DSG1: variants seen among roughly 807,000 people sequenced by gnomAD.
DSG1 encodes desmoglein 1, also known as desmoglein-1.
A neutral mutation model predicts 97.5 loss-of-function variants in DSG1; 39 were observed. The observed-to-expected ratio is 0.40, with a 90% CI of 0.31 to 0.52. The LOEUF (loss-of-function observed/expected upper bound fraction) is 0.52. Ranked by LOEUF, DSG1 falls within the 20% of genes least tolerant of loss-of-function variation. The probability of loss-of-function intolerance (pLI) is 0.53; values close to 1 mark genes in which losing one functional copy is unlikely to be tolerated. For missense variants in DSG1, 1,311 were observed against 1,295.4 expected (o/e 1.01, Z -0.18); for synonymous variants, 475 against 443.4 (o/e 1.07, Z -0.90).
intron 14 of DSG1, chr18:31,347,632 C>A (rs2071851529): frequency 1.3e-5 from 2 of 152,170 alleles, no homozygotes; most frequent in African/African-American, 4.8e-5. Flanking sequence ...CTATTACGAA[C>A]AACAAAGATG....
At chr18:31,318,720 T>TG (rs928478381) in intron 1 of DSG1, among the ~76,000 whole-genome samples, 10 of 119,858 alleles carry the variant, frequency 8.3e-5, no homozygotes, top group African/African-American at 2.9e-4. Flanking sequence ...ATTTTTAACC[T>TG]GTTTTTTTTT....
At chr18:31,333,506 C>CCAACTTTT in intron 6 of DSG1, 83 bp from the exon 7 acceptor site, 1 of 1,577,670 alleles carries the variant, frequency 6.3e-7, no homozygotes, top group Non-Finnish European at 8.7e-7. Flanking sequence ...AAACGTTGAG[C>CCAACTTTT]CAACTTTTCA....
intron 11 of DSG1, among the ~76,000 whole-genome samples, chr18:31,341,510 C>T (rs975025836): frequency 6.6e-6 from 1 of 152,158 alleles, no homozygotes. Flanking sequence ...GATAACACAG[C>T]TTAGAGCTGG....
chr18:31,320,767 C>G (rs1378455769), intron 1 of DSG1, among the ~76,000 whole-genome samples: 1 of 152,114 alleles, frequency 6.6e-6, no homozygotes, highest in East Asian at 1.9e-4. Flanking sequence ...AACAATGCTT[C>G]TTATGCACCA....
At chr18:31,320,915 A>G (rs904169057) in intron 1 of DSG1, among the ~76,000 whole-genome samples, 2 of 152,172 alleles carry the variant, frequency 1.3e-5, no homozygotes, top group Non-Finnish European at 2.9e-5. Context: ...TGCCAGGTCC[A>G]ATTAGTCCAT....
chr18:31,338,285 T>G, intron 9 of DSG1, 30 bp from the exon 10 acceptor site: 2 of 1,609,676 alleles, frequency 1.2e-6, no homozygotes, highest in Non-Finnish European at 1.7e-6. Context: ...ATAGCTGACA[T>G]TAATTTGTAT....
chr18:31,327,091 T>C (rs2144088026), intron 3 of DSG1, 86 bp downstream of exon 3: 2 of 1,509,652 alleles, frequency 1.3e-6, no homozygotes, highest in East Asian at 2.3e-5. Context: ...TTCATGAACA[T>C]GTCTCACCGA....
In DSG1 at chr18:31,354,957, G is replaced by T. The variant is rs778574407; in HGVS notation, c.2761G>T (p.Val921Leu). ...TCATCCTAGAGAGTCTTCAAATGTGGTAGTGACAGAAAGAGTAATCCAACC... is the reference window on the plus strand; with the variant it reads ...TCATCCTAGAGAGTCTTCAAATGTGTTAGTGACAGAAAGAGTAATCCAACC... ...IHHPRESSNV[V>L]VTERVIQPTS... Residue 921 changes from valine (V) to leucine (L), a missense_variant, in exon 15 of 15, where the codon GTA (valine) becomes TTA (leucine). Physicochemically the swap from Val to Leu is conservative, Grantham distance 32. Coordinates refer to ENST00000257192, the MANE Select transcript of DSG1 (RefSeq NM_001942.4). The T allele has an allele frequency of 6.2e-6, 10 of 1,614,074 alleles. No individual in the cohort carries two copies. The African/African-American group carries it at 6.7e-5, about 11-fold the overall frequency.
chr18:31,328,015 A>G (rs2071696921), intron 3 of DSG1, among the ~76,000 whole-genome samples, 174 bp from the exon 4 acceptor site: 1 of 152,192 alleles, frequency 6.6e-6, no homozygotes, highest in South Asian at 2.1e-4. Flanking sequence ...GTCAGTTACC[A>G]TTGAAAATAT....
At chr18:31,323,976 CTTT>C (rs1203163479) in intron 1 of DSG1, among the ~76,000 whole-genome samples, 19 of 94,984 alleles carry the variant, frequency 2.0e-4, no homozygotes, top group African/African-American at 5.2e-4. Flanking sequence ...TCTCTCCTTC[CTTT>C]TTTTTTTTTT....
Position 31,329,984 on chromosome 18 carries a change from A to G in DSG1, c.465A>G (p.Pro155=). 6.2e-7 allele frequency: 1 copy of G among 1,613,356 alleles called. No homozygotes were observed. The highest frequency in any genetic ancestry group is 1.1e-5 in the South Asian group (1 of 91,076). Residue 155 remains proline, a synonymous_variant, in exon 5 of 15, where the codon CCA becomes CCG. Coordinates refer to ENST00000257192, the MANE Select transcript of DSG1 (RefSeq NM_001942.4). ...TTTTGGATATAAATGACAACCCTCC[A>G]GTGTTTTCAATGGCTACATTTGCAG... ...VRVLDINDNP[P]VFSMATFAGQ...
Position 31,356,090 on chromosome 18 carries a change from C to T in DSG1, c.*744C>T, listed in dbSNP as rs532642456. On this transcript the variant is annotated 3_prime_UTR_variant, in exon 15 of 15. Coordinates refer to ENST00000257192, the MANE Select transcript of DSG1 (RefSeq NM_001942.4). ...GTGTGTGTTTAGTGATAGATGTAGT[C>T]TTGACGAATATTGCTTACTGGTGAG... 7.9e-5 allele frequency: 12 copies of T among 152,278 alleles called. No individual in the cohort carries two copies. In the South Asian group the frequency reaches 2.3e-3, roughly 29 times the overall value. The allele number at this position is 152,278 out of a possible 1,614,324, so 9.4% of individuals were successfully genotyped here.
chr18:31,325,074 A>G (rs1428160261), intron 1 of DSG1, among the ~76,000 whole-genome samples: 1 of 152,188 alleles, frequency 6.6e-6, no homozygotes, highest in Non-Finnish European at 1.5e-5. Flanking sequence ...TTGAAAGTCC[A>G]AGAGTGACTT....
intron 4 of DSG1, 137 bp downstream of exon 4, chr18:31,328,481 C>T: frequency 1.2e-6 from 1 of 828,880 alleles, no homozygotes; most frequent in Non-Finnish European, 1.9e-6. Flanking sequence ...CACGAGCATC[C>T]CACGACTGAA....
rs899306903 is a variant in DSG1 at position 31,357,280 on chromosome 18, T to C, written c.*1934T>C. On this transcript the variant is annotated 3_prime_UTR_variant, in exon 15 of 15. Transcript: ENST00000257192. ...GTCTGTAGTATGCTAAATGCAGAAG[T>C]ATAAATAAAGTCATTCAAAGGGAGT... Among the ~76,000 whole-genome samples the C allele has an allele frequency of 6.6e-6, 1 of 152,054 alleles. No homozygotes were observed. The highest frequency in any genetic ancestry group is 2.4e-5 in the African/African-American group (1 of 41,432).
At chr18:31,347,271 A>G (rs1173778181) in intron 14 of DSG1, among the ~76,000 whole-genome samples, 1 of 152,208 alleles carries the variant, frequency 6.6e-6, no homozygotes. Context: ...ATATTTTGTT[A>G]TATTTTAATA....
At chr18:31,328,447 G>T in intron 4 of DSG1, 103 bp downstream of exon 4, 1 of 1,249,220 alleles carries the variant, frequency 8.0e-7, no homozygotes, top group South Asian at 1.3e-5. Flanking sequence ...CTCAATATTT[G>T]GCATTTTTGG....
intron 9 of DSG1, among the ~76,000 whole-genome samples, chr18:31,337,541 C>T (rs537635329): frequency 6.6e-6 from 1 of 152,306 alleles, no homozygotes; most frequent in African/African-American, 2.4e-5. Flanking sequence ...GCTTAAGCCA[C>T]CGCACTCAGC....
chr18:31,358,529 TA>T lies in DSG1; in HGVS notation c.*3184del, dbSNP rs555377492. 1.1e-3 allele frequency among the ~76,000 whole-genome samples: 175 copies of T among 152,228 alleles called. No individual in the cohort carries two copies. The highest frequency in any genetic ancestry group is 3.5e-3 in the African/African-American group (147 of 41,594). On this transcript the variant is annotated 3_prime_UTR_variant, in exon 15 of 15. Transcript: ENST00000257192. ...ATATGTCTTCAAAAATTACATTTTTTACTCTAGTAAGTAGATGTTTTTAGTT... is the reference window on the plus strand; with the variant it reads ...ATATGTCTTCAAAAATTACATTTTTTCTCTAGTAAGTAGATGTTTTTAGTT...
Sources: allele counts gnomAD v4.1 joint callset (sites outside exome capture counted in the v4.1 genomes callset), GRCh38; gene constraint gnomAD v4.1.1; transcripts MANE v1.5; gene names NCBI Gene and HGNC (gene_info 2026-07-23, HGNC 2026-07-21).